The following EMB variants were observed in gnomAD, a reference collection of about 807,000 sequenced individuals.
EMB encodes embigin homolog.
EMB carries 31 observed loss-of-function variants against 41.4 expected under a neutral mutation model. That is an observed-to-expected ratio of 0.75 (90% CI 0.56 to 1.01). The LOEUF (loss-of-function observed/expected upper bound fraction) is 1.01, where lower values mean the gene tolerates loss of function less well. EMB is among the 50% of genes least tolerant of loss of function. The pLI is 0.00. For synonymous variants in EMB, 137 were observed against 140.4 expected, an observed-to-expected ratio of 0.98 and a Z score of 0.17; for missense variants, 379 against 388.3, an observed-to-expected ratio of 0.98 and a Z score of 0.20.
At chr5:50,431,339 T>G (rs1027621975) in intron 1 of EMB, among the ~76,000 whole-genome samples, 1 of 152,210 alleles carries the variant, frequency 6.6e-6, no homozygotes, top group East Asian at 1.9e-4. Flanking sequence ...AAAGTGAGAA[T>G]GTAAACCTTA....
intron 1 of EMB, among the ~76,000 whole-genome samples, chr5:50,435,306 C>T (rs1034664083): frequency 1.3e-5 from 2 of 152,090 alleles, no homozygotes; most frequent in African/African-American, 4.8e-5. Flanking sequence ...CCATTAAAAT[C>T]AAGAAATGAA....
At chr5:50,428,819 A>G (rs1242639571) in intron 1 of EMB, 1 of 831,484 alleles carries the variant, frequency 1.2e-6, no homozygotes, top group Non-Finnish European at 1.4e-6. Context: ...AACTTTAATT[A>G]AAGAAACAAG....
chr5:50,413,628 T>G (rs1177595704), intron 2 of EMB, among the ~76,000 whole-genome samples: 5 of 150,768 alleles, frequency 3.3e-5, no homozygotes, highest in Non-Finnish European at 7.4e-5. Context: ...CAGGCTGGAG[T>G]ACAATGGTGT....
chr5:50,430,750 G>A (rs1745708286), intron 1 of EMB, among the ~76,000 whole-genome samples: 1 of 152,060 alleles, frequency 6.6e-6, no homozygotes, highest in African/African-American at 2.4e-5. Context: ...TGGCACATGA[G>A]CTAGAGTATG....
intron 1 of EMB, among the ~76,000 whole-genome samples, chr5:50,429,286 G>A (rs912716884): frequency 1.3e-5 from 2 of 151,874 alleles, no homozygotes; most frequent in Admixed American, 1.3e-4. Context: ...AGAGAAGGGG[G>A]AAAAAAAGCT....
At chr5:50,436,623 C>T (rs1164887665) in intron 1 of EMB, among the ~76,000 whole-genome samples, 1 of 152,212 alleles carries the variant, frequency 6.6e-6, no homozygotes, top group Non-Finnish European at 1.5e-5. Context: ...ACTCTGGGAT[C>T]CTGTGTCAAG....
intron 1 of EMB, among the ~76,000 whole-genome samples, chr5:50,440,363 G>A (rs1175297104): frequency 2.6e-5 from 4 of 151,910 alleles, no homozygotes; most frequent in South Asian, 2.1e-4. Flanking sequence ...GAGAAGCCCA[G>A]TCTCTACTAA....
At chr5:50,432,523 T>C (rs1192914782) in intron 1 of EMB, among the ~76,000 whole-genome samples, 5 of 152,026 alleles carry the variant, frequency 3.3e-5, no homozygotes, top group African/African-American at 1.2e-4. Context: ...TGCCAAATTG[T>C]AAAGGCCACT....
At chr5:50,400,403 T>C (rs1267180364) in intron 7 of EMB, among the ~76,000 whole-genome samples, 27 of 151,986 alleles carry the variant, frequency 1.8e-4, no homozygotes, top group Admixed American at 1.3e-4. Flanking sequence ...CCAGTATGCA[T>C]AATGAATACC....
intron 1 of EMB, among the ~76,000 whole-genome samples, chr5:50,436,429 C>T (rs2111870553): frequency 6.6e-6 from 1 of 152,292 alleles, no homozygotes; most frequent in East Asian, 1.9e-4. Context: ...ATCCATCACC[C>T]TGTATACTGC....
chr5:50,419,546 C>CAT (rs1447900051), intron 2 of EMB, among the ~76,000 whole-genome samples: 1 of 140,488 alleles, frequency 7.1e-6, no homozygotes. Flanking sequence ...TACACACACA[C>CAT]ATACACACAC....
chr5:50,438,936 T>G (rs1333035526), intron 1 of EMB, among the ~76,000 whole-genome samples: 1 of 151,548 alleles, frequency 6.6e-6, no homozygotes, highest in Non-Finnish European at 1.5e-5. Context: ...AGATCTTCTC[T>G]GCATATCAAC....
chr5:50,399,847 G>C lies in EMB; in HGVS notation c.966+12C>G, dbSNP rs1374206120. On this transcript the variant is annotated intron_variant, in intron 8 of 8. Coordinates refer to ENST00000303221, the MANE Select transcript of EMB (RefSeq NM_198449.3). ...GACCTTTTATTTGGAATATCATTCA[G>C]AAGTAACTTACATTTTTTCTATGCC... 6 of 1,586,842 alleles carry C rather than the reference G, an allele frequency of 3.8e-6. No homozygotes were observed. Among genetic ancestry groups the C allele is most frequent in the Non-Finnish European group, 5.2e-6 (6 of 1,159,754 alleles).
intron 1 of EMB, among the ~76,000 whole-genome samples, chr5:50,433,642 T>C (rs550385011): frequency 5.9e-5 from 9 of 152,328 alleles, no homozygotes; most frequent in South Asian, 2.1e-4. Flanking sequence ...TCTGAAAGCA[T>C]TTTGCTTGTC....
intron 1 of EMB, among the ~76,000 whole-genome samples, chr5:50,432,055 T>G (rs991615497): frequency 6.6e-6 from 1 of 152,226 alleles, no homozygotes; most frequent in Non-Finnish European, 1.5e-5. Flanking sequence ...AGGTAACATT[T>G]TCACATATTT....
intron 1 of EMB, among the ~76,000 whole-genome samples, chr5:50,432,620 G>C (rs1745738651): frequency 6.6e-6 from 1 of 151,714 alleles, no homozygotes; most frequent in South Asian, 2.1e-4. Flanking sequence ...GAGAATTATG[G>C]GTTTTAGGAG....
At chr5:50,425,735 T>TTGCTCTGTCACCCAGGCTGGAA (rs533893699) in intron 2 of EMB, among the ~76,000 whole-genome samples, 1 of 137,380 alleles carries the variant, frequency 7.3e-6, no homozygotes, top group Admixed American at 7.2e-5. Flanking sequence ...AGATGGACTC[T>TTGCTCTGTCACCCAGGCTGGAA]TGCAGTGGCA....
In EMB at chr5:50,411,505, A is replaced by G. The variant is rs1745337941; in HGVS notation, c.197-122T>C. On this transcript the variant is annotated intron_variant, in intron 2 of 8. Coordinates refer to ENST00000303221, the MANE Select transcript of EMB (RefSeq NM_198449.3). ...ATTTCTTAATGTAACATTCATTTGA[A>G]GAATTATTCCTCTATCAACATAGTT... 4.4e-6 allele frequency: 3 copies of G among 680,802 alleles called. No individual in the cohort carries two copies. The Admixed American group carries it at 1.0e-4, about 23-fold the overall frequency. 42.2% of individuals were successfully genotyped at this position (680,802 alleles called of 1,614,324 possible).
At chr5:50,431,098 C>G (rs920595287) in intron 1 of EMB, among the ~76,000 whole-genome samples, 1 of 152,178 alleles carries the variant, frequency 6.6e-6, no homozygotes, top group Non-Finnish European at 1.5e-5. Flanking sequence ...CCACCAGTAC[C>G]TTAACTTCAT....
Sources: allele counts gnomAD v4.1 joint callset (sites outside exome capture counted in the v4.1 genomes callset), GRCh38; gene constraint gnomAD v4.1.1; transcripts MANE v1.5; gene names NCBI Gene and HGNC (gene_info 2026-07-23, HGNC 2026-07-21).